Variants in PIP5K1B observed in about 807,000 individuals in gnomAD.
PIP5K1B encodes the protein phosphatidylinositol-4-phosphate 5-kinase type 1 beta, also known as phosphatidylinositol 4-phosphate 5-kinase type-1 beta.
A neutral mutation model predicts 67.0 loss-of-function variants in PIP5K1B; 42 were observed. That is an observed-to-expected ratio of 0.63 (90% CI 0.49 to 0.81). The LOEUF (loss-of-function observed/expected upper bound fraction) is 0.81. Ranked by LOEUF, PIP5K1B falls within the 30% of genes least tolerant of loss-of-function variation. PIP5K1B has a pLI of 0.00. For synonymous variants in PIP5K1B, 214 were observed against 231.4 expected, an observed-to-expected ratio of 0.92 and a Z score of 0.68; for missense variants, 459 against 646.3, an observed-to-expected ratio of 0.71 and a Z score of 3.14.
intron 1 of PIP5K1B, among the ~76,000 whole-genome samples, chr9:68,712,790 T>C (rs549498802): frequency 6.6e-6 from 1 of 152,362 alleles, no homozygotes; most frequent in East Asian, 1.9e-4. Context: ...ACTGATTTCT[T>C]CCATTTACTT....
At chr9:68,828,428 C>A (rs1364550317) in intron 4 of PIP5K1B, among the ~76,000 whole-genome samples, 1 of 152,236 alleles carries the variant, frequency 6.6e-6, no homozygotes, top group Non-Finnish European at 1.5e-5. Context: ...CAGACCAGGA[C>A]ACCTACAGGA....
At position 68,863,833 on chromosome 9, in the gene PIP5K1B, G is replaced by T. The variant is rs1381059747; in HGVS notation, c.70-4G>T. 1.9e-6 allele frequency: 3 copies of T among 1,612,908 alleles called. No homozygotes were observed. The highest frequency in any genetic ancestry group is 2.7e-5 in the African/African-American group (2 of 74,866). ...TAATGTTGAGACCCTTGTTTTCTTTGCAGACTGCATCATCTGCTATTAAAG... is the reference window on the plus strand; with the variant it reads ...TAATGTTGAGACCCTTGTTTTCTTTTCAGACTGCATCATCTGCTATTAAAG... On this transcript the variant is annotated splice_polypyrimidine_tract_variant and splice_region_variant and intron_variant, in intron 4 of 15. Transcript: ENST00000265382.
chr9:68,942,772 ATCT>A (rs1364183702), intron 14 of PIP5K1B, among the ~76,000 whole-genome samples: 3 of 152,184 alleles, frequency 2.0e-5, no homozygotes, highest in Non-Finnish European at 4.4e-5. Flanking sequence ...CATTGTTTTA[ATCT>A]TCTTTGGCAC....
At chr9:68,984,635 T>G (rs533209073) in intron 14 of PIP5K1B, among the ~76,000 whole-genome samples, 1 of 152,362 alleles carries the variant, frequency 6.6e-6, no homozygotes, top group East Asian at 1.9e-4. Context: ...GTAGCATTAT[T>G]TTCATTGTTC....
chr9:68,992,873 T>TAAAAAAAAA (rs1830441929), intron 15 of PIP5K1B, among the ~76,000 whole-genome samples: 1 of 84,128 alleles, frequency 1.2e-5, no homozygotes, highest in Non-Finnish European at 2.3e-5. Flanking sequence ...AAAAAAAAAG[T>TAAAAAAAAA]CCTGGCTGGG....
chr9:68,753,979 G>A (rs1829778816), intron 2 of PIP5K1B, among the ~76,000 whole-genome samples: 1 of 151,868 alleles, frequency 6.6e-6, no homozygotes, highest in African/African-American at 2.4e-5. Flanking sequence ...TATTCTTCAT[G>A]ATTGTTCTTC....
At chr9:68,792,941 T>C (rs1275515506) in intron 2 of PIP5K1B, among the ~76,000 whole-genome samples, 1 of 152,176 alleles carries the variant, frequency 6.6e-6, no homozygotes, top group East Asian at 1.9e-4. Flanking sequence ...TCTCTTAGGA[T>C]ACTTTGGTGT....
intron 8 of PIP5K1B, among the ~76,000 whole-genome samples, chr9:68,895,031 A>G (rs1825007950): frequency 1.3e-5 from 2 of 152,220 alleles, no homozygotes; most frequent in Non-Finnish European, 2.9e-5. Flanking sequence ...GTAAGACTCG[A>G]ACTGGGGAGA....
chr9:68,954,855 G>C (rs890383778), intron 14 of PIP5K1B, among the ~76,000 whole-genome samples: 3 of 152,210 alleles, frequency 2.0e-5, no homozygotes, highest in Non-Finnish European at 2.9e-5. Flanking sequence ...CATCTGCTGG[G>C]GGGCAGGTCC....
In PIP5K1B at chr9:68,960,536, C is replaced by T. The variant is rs142225549; in HGVS notation, c.1502+19746C>T. ...TATCTCCTCATTTGAAAATTGAAGC[C>T]GCTAGACTAGTCTTCTACGTTTCTG... On this transcript the variant is annotated intron_variant, in intron 14 of 15. Transcript: ENST00000265382. Among the ~76,000 whole-genome samples the T allele has an allele frequency of 2.9e-3, 446 of 152,064 alleles. 2 individuals are homozygous for T. Among genetic ancestry groups the T allele is most frequent in the Non-Finnish European group, 4.3e-3 (289 of 68,000 alleles).
At chr9:68,977,574 CTGT>C (rs1829688732) in intron 14 of PIP5K1B, among the ~76,000 whole-genome samples, 1 of 151,214 alleles carries the variant, frequency 6.6e-6, no homozygotes, top group Admixed American at 6.6e-5. Context: ...TTTTGGTTTG[CTGT>C]TGTTGTTGTC....
chr9:68,958,154 C>G (rs1458873922), intron 14 of PIP5K1B, among the ~76,000 whole-genome samples: 1 of 152,054 alleles, frequency 6.6e-6, no homozygotes, highest in Non-Finnish European at 1.5e-5. Context: ...ATTACAGGCA[C>G]GAGCCATCAC....
chr9:68,981,893 C>T (rs1212116515), intron 14 of PIP5K1B, among the ~76,000 whole-genome samples: 1 of 152,126 alleles, frequency 6.6e-6, no homozygotes, highest in Admixed American at 6.5e-5. Flanking sequence ...AAAATCGCTC[C>T]TCCTGTACTG....
intron 2 of PIP5K1B, among the ~76,000 whole-genome samples, chr9:68,802,494 G>A (rs2131987418): frequency 6.6e-6 from 1 of 152,328 alleles, no homozygotes; most frequent in East Asian, 1.9e-4. Flanking sequence ...GGGGCCAATA[G>A]TGTACTAGAA....
chr9:68,778,530 T>G (rs921823933), intron 2 of PIP5K1B, among the ~76,000 whole-genome samples: 1 of 152,206 alleles, frequency 6.6e-6, no homozygotes, highest in Non-Finnish European at 1.5e-5. Context: ...ATCCTATTTG[T>G]TCTAACTCAA....
chr9:68,824,689 G>C (rs1456569681), intron 4 of PIP5K1B, among the ~76,000 whole-genome samples: 3 of 152,128 alleles, frequency 2.0e-5, no homozygotes, highest in Non-Finnish European at 4.4e-5. Flanking sequence ...AATAAATATG[G>C]TATTGATATG....
intron 14 of PIP5K1B, among the ~76,000 whole-genome samples, chr9:68,968,515 A>C (rs1367277048): frequency 6.6e-6 from 1 of 151,852 alleles, no homozygotes; most frequent in East Asian, 1.9e-4. Flanking sequence ...AAAAAAAAAA[A>C]AAAAACCTGT....
chr9:68,808,338 A>G (rs1421398379), intron 2 of PIP5K1B, among the ~76,000 whole-genome samples: 1 of 152,232 alleles, frequency 6.6e-6, no homozygotes, highest in Admixed American at 6.5e-5. Context: ...TTAAATCTCC[A>G]TGGATTCTTT....
chr9:68,746,134 A>G (rs1829295069), intron 2 of PIP5K1B, among the ~76,000 whole-genome samples: 1 of 136,696 alleles, frequency 7.3e-6, no homozygotes, highest in Admixed American at 8.1e-5. Flanking sequence ...GCTGGAGTGC[A>G]GTGGTGCGAT....
Sources: allele counts gnomAD v4.1 joint callset (sites outside exome capture counted in the v4.1 genomes callset), GRCh38; gene constraint gnomAD v4.1.1; transcripts MANE v1.5; gene names NCBI Gene and HGNC (gene_info 2026-07-23, HGNC 2026-07-21).